Variants in LRMDA observed in about 807,000 individuals in gnomAD.
The protein encoded by LRMDA is leucine-rich melanocyte differentiation-associated protein.
Under a neutral mutation model 29.8 loss-of-function variants are expected in LRMDA, and 18 were observed. That is an observed-to-expected ratio of 0.60 (90% CI 0.42 to 0.90). The LOEUF (loss-of-function observed/expected upper bound fraction) is 0.90, where lower values mean the gene tolerates loss of function less well. Among genes scored for constraint, LRMDA ranks in the 40% least tolerant of loss-of-function variants. LRMDA has a pLI of 0.00. For synonymous variants in LRMDA, 125 were observed against 109.4 expected (o/e 1.14, Z -0.89); for missense variants, 273 against 273.9 (o/e 1.00, Z 0.02).
At chr10:75,595,867 C>T (rs949974746) in intron 2 of LRMDA, among the ~76,000 whole-genome samples, 11 of 87,890 alleles carry the variant, frequency 1.3e-4, no homozygotes, top group Admixed American at 3.9e-4. Flanking sequence ...AAGTAGGTTA[C>T]CACATTTTCA....
intron 2 of LRMDA, among the ~76,000 whole-genome samples, chr10:75,761,174 C>G (rs1843089505): frequency 6.6e-6 from 1 of 152,164 alleles, no homozygotes; most frequent in African/African-American, 2.4e-5. Context: ...TCCAGCAGTT[C>G]CACTTCTGGG....
At chr10:76,022,635 C>A (rs867046108) in intron 2 of LRMDA, among the ~76,000 whole-genome samples, 1 of 152,180 alleles carries the variant, frequency 6.6e-6, no homozygotes, top group African/African-American at 2.4e-5. Flanking sequence ...TGGTAGGAGT[C>A]CTTAGACCAG....
chr10:76,286,473 G>T (rs866478008), intron 5 of LRMDA, among the ~76,000 whole-genome samples: 1 of 152,164 alleles, frequency 6.6e-6, no homozygotes, highest in African/African-American at 2.4e-5. Context: ...CAAGAGGTAC[G>T]AATATTTTGT....
chr10:75,509,170 A>G (rs3012045), intron 2 of LRMDA, among the ~76,000 whole-genome samples: 138,444 of 152,174 alleles, frequency 0.91, 63,194 homozygotes, highest in African/African-American at 0.96. Context: ...GTTGGCCCTC[A>G]TGGGCCACCG....
chr10:76,171,252 C>G (rs1280485550), intron 5 of LRMDA, among the ~76,000 whole-genome samples: 1 of 152,224 alleles, frequency 6.6e-6, no homozygotes, highest in Non-Finnish European at 1.5e-5. Flanking sequence ...TCTCCTGCCT[C>G]AGCCTCCCAG....
intron 1 of LRMDA, among the ~76,000 whole-genome samples, chr10:75,438,077 G>A (rs1247310302): frequency 6.6e-6 from 1 of 152,192 alleles, no homozygotes; most frequent in African/African-American, 2.4e-5. Context: ...GAGGGCGATT[G>A]TTGCGGTTAT....
intron 6 of LRMDA, among the ~76,000 whole-genome samples, chr10:76,397,087 G>A (rs1352992961): frequency 2.0e-5 from 3 of 152,118 alleles, no homozygotes; most frequent in Admixed American, 2.0e-4. Flanking sequence ...TCTCTTTTCG[G>A]TGTGTGAGCA....
Position 76,456,859 on chromosome 10 carries a change from T to A in LRMDA, c.602-100350T>A, listed in dbSNP as rs565992145. 3.0e-4 allele frequency among the ~76,000 whole-genome samples: 46 copies of A among 152,280 alleles called. No individual in the cohort carries two copies. The South Asian group carries it at 6.8e-3, about 23-fold the overall frequency. On this transcript the variant is annotated intron_variant, in intron 6 of 6. Coordinates refer to ENST00000611255, the MANE Select transcript of LRMDA (RefSeq NM_001305581.2). The stretch of plus-strand genomic sequence containing the variant: ...TCCTTCTTCCCTTCTTTTTTATTTT[T>A]TGGGGTCTGAAATAGTAATCCTGCA...
chr10:75,900,026 C>A (rs1845644883), intron 2 of LRMDA, among the ~76,000 whole-genome samples: 2 of 152,216 alleles, frequency 1.3e-5, no homozygotes, highest in Non-Finnish European at 2.9e-5. Flanking sequence ...AGCTGGGGCT[C>A]TTCCTTTGAG....
intron 2 of LRMDA, among the ~76,000 whole-genome samples, chr10:75,559,474 T>C (rs1450330885): frequency 2.6e-5 from 4 of 151,650 alleles, no homozygotes; most frequent in Non-Finnish European, 2.9e-5. Context: ...TTCTCCCATT[T>C]TGTAGGTTGC....
At chr10:75,563,036 T>C (rs559735114) in intron 2 of LRMDA, among the ~76,000 whole-genome samples, 3 of 152,116 alleles carry the variant, frequency 2.0e-5, no homozygotes, top group Non-Finnish European at 4.4e-5. Flanking sequence ...AGGAGTATCT[T>C]TGTGGTGGTC....
At chr10:76,528,046 C>A (rs1472283731) in intron 6 of LRMDA, among the ~76,000 whole-genome samples, 1 of 151,972 alleles carries the variant, frequency 6.6e-6, no homozygotes, top group African/African-American at 2.4e-5. Context: ...ATTAAACTAG[C>A]AAAGATGTTT....
intron 2 of LRMDA, among the ~76,000 whole-genome samples, chr10:75,966,497 C>T (rs1387105025): frequency 2.0e-5 from 3 of 152,184 alleles, no homozygotes; most frequent in East Asian, 1.9e-4. Flanking sequence ...ATCTTGCTGT[C>T]CTACCCAGTA....
chr10:75,581,561 AC>A (rs1201796111), intron 2 of LRMDA, among the ~76,000 whole-genome samples: 1,826 of 152,334 alleles, frequency 0.012, 31 homozygotes, highest in African/African-American at 0.039. Context: ...TAATCCCATT[AC>A]TGGGTATATA....
At chr10:75,488,276 A>G (rs1844939913) in intron 2 of LRMDA, among the ~76,000 whole-genome samples, 1 of 152,218 alleles carries the variant, frequency 6.6e-6, no homozygotes, top group South Asian at 2.1e-4. Flanking sequence ...CTTAAAAAAA[A>G]GAACTTTTCC....
At chr10:76,361,502 C>A (rs1024227319) in intron 6 of LRMDA, among the ~76,000 whole-genome samples, 4 of 152,202 alleles carry the variant, frequency 2.6e-5, no homozygotes, top group African/African-American at 9.6e-5. Context: ...GCTGGATCGA[C>A]CCCTGGTGAG....
rs184965654 is a variant in LRMDA, at chr10:76,225,995, C to G, written c.517-98406C>G. On this transcript the variant is annotated intron_variant, in intron 5 of 6. Transcript: ENST00000611255. ...TGTGGTGTTTGGTTTTTTGTCCTTG[C>G]GATACTTTGCTGAGAATGATGGTTT... Among the ~76,000 whole-genome samples the G allele has an allele frequency of 4.7e-5, 7 of 150,454 alleles. No individual in the cohort carries two copies. In the East Asian group the frequency reaches 1.4e-3, roughly 30 times the overall value.
intron 6 of LRMDA, among the ~76,000 whole-genome samples, chr10:76,547,457 A>G (rs1352000056): frequency 6.6e-6 from 1 of 152,196 alleles, no homozygotes; most frequent in Non-Finnish European, 1.5e-5. Context: ...CCAAAAGCAC[A>G]GTGTGGCTAT....
chr10:75,530,350 C>T (rs530369037), intron 2 of LRMDA, among the ~76,000 whole-genome samples: 66 of 152,182 alleles, frequency 4.3e-4, no homozygotes, highest in Non-Finnish European at 8.2e-4. Context: ...CTCACAGTGA[C>T]TCTCCCAAGG....
Sources: allele counts gnomAD v4.1 joint callset (sites outside exome capture counted in the v4.1 genomes callset), GRCh38; gene constraint gnomAD v4.1.1; transcripts MANE v1.5; gene names NCBI Gene and HGNC (gene_info 2026-07-23, HGNC 2026-07-21).